Variants in GAB4 observed in about 807,000 individuals in gnomAD.
GAB4 encodes GRB2 associated binding protein family member 4, also known as GRB2-associated-binding protein 4.
In GAB4, 26 loss-of-function variants were observed where a neutral mutation model predicts 51.3. The ratio of observed to expected loss-of-function variants is 0.51; its 90% CI spans 0.37 to 0.70. The LOEUF is 0.70. Ranked by LOEUF, GAB4 falls within the 30% of genes least tolerant of loss-of-function variation. The pLI, the probability that GAB4 is intolerant of heterozygous loss-of-function variation, is 0.00. For missense variants in GAB4, 759 were observed against 734.6 expected, an observed-to-expected ratio of 1.03 and a Z score of -0.38; for synonymous variants, 329 against 291.2, an observed-to-expected ratio of 1.13 and a Z score of -1.32.
chr22:17,004,783 C>T (rs1371199834), intron 1 of GAB4, among the ~76,000 whole-genome samples: 1 of 152,080 alleles, frequency 6.6e-6, no homozygotes. Context: ...GCAGAACAGG[C>T]CTTCGATAAA....
Position 16,968,383 on chromosome 22 carries a change from G to A in GAB4, c.938C>T (p.Ala313Val), listed in dbSNP as rs200334935. Residue 313 changes from alanine to valine, a missense_variant and splice_region_variant, in exon 5 of 10, where the codon GCT (alanine) becomes GTT (valine). Transcript: ENST00000400588. ...SLTGSEADNE[A>V]SSGKYTQHGG... ...ATGCTGGGTGTACTTGCCGGAGGAA[G>A]CTACGACAGAGGAAGGAGATCCACA... 6.0e-4 allele frequency: 967 copies of A among 1,612,716 alleles called. No individual in the cohort carries two copies. Among genetic ancestry groups the A allele is most frequent in the Non-Finnish European group, 7.8e-4 (924 of 1,178,830 alleles).
intron 3 of GAB4, among the ~76,000 whole-genome samples, chr22:16,985,852 G>T (rs922134611): frequency 6.6e-6 from 1 of 152,192 alleles, no homozygotes; most frequent in African/African-American, 2.4e-5. Flanking sequence ...CATACTATAT[G>T]CCCTGCCTTG....
Position 16,989,475 on chromosome 22 carries a change from C to T in GAB4, c.479-1308G>A, listed in dbSNP as rs1185372409. 2.6e-5 allele frequency among the ~76,000 whole-genome samples: 4 copies of T among 152,344 alleles called. No individual in the cohort carries two copies. In the East Asian group the frequency reaches 7.7e-4, roughly 29 times the overall value. ...TGATGCTAGGCAAGACACGTTCTGC[C>T]AGTGAGCAACAGAAACATATGGCAG... On this transcript the variant is annotated intron_variant, in intron 2 of 9. Transcript: ENST00000400588.
At chr22:16,996,969 T>C (rs188937430) in intron 1 of GAB4, among the ~76,000 whole-genome samples, 5,931 of 152,198 alleles carry the variant, frequency 0.039, 190 homozygotes, top group Middle Eastern at 0.068. Context: ...GCTTCATCCA[T>C]GGCCCTACAA....
chr22:16,971,346 A>T (rs2060730314), intron 3 of GAB4, among the ~76,000 whole-genome samples: 1 of 152,156 alleles, frequency 6.6e-6, no homozygotes, highest in South Asian at 2.1e-4. Flanking sequence ...CCCAGACACG[A>T]CCCAGCGTCA....
Position 16,962,609 on chromosome 22 carries a change from G to A in GAB4, c.*124C>T, listed in dbSNP as rs2060638071. On this transcript the variant is annotated 3_prime_UTR_variant, in exon 10 of 10. Coordinates refer to ENST00000400588, the MANE Select transcript of GAB4 (RefSeq NM_001037814.1). Reference sequence around the variant, plus strand: ...GGTGGGCCCCAAGCAGGCAAAGGATGTATATTGATCAGGCCTCTGCTCTCT... The same window carrying A: ...GGTGGGCCCCAAGCAGGCAAAGGATATATATTGATCAGGCCTCTGCTCTCT... 2.4e-6 allele frequency: 2 copies of A among 837,390 alleles called. No individual in the cohort carries two copies. Among genetic ancestry groups the A allele is most frequent in the Non-Finnish European group, 1.7e-6 (1 of 582,722 alleles). The allele number at this position is 837,390 out of a possible 1,614,324, so 51.9% of individuals were successfully genotyped here.
In GAB4 at chr22:16,988,017, G is replaced by A. The variant is rs560437811; in HGVS notation, c.629C>T (p.Ala210Val). ...GTGCGAGCGGAGACACCCCGGAGGT[G>A]CAGGGATGGGCCAGGTGGGCGGCAC... ...HCVPPTWPIPAPPGCLRSHQH... is the reference protein window; with the variant it reads ...HCVPPTWPIPVPPGCLRSHQH... The change falls in exon 3 of 10, where the codon GCA (alanine) becomes GTA (valine). Residue 210 changes from alanine (A) to valine (V), a missense_variant. Physicochemically the swap from Ala to Val is moderately conservative, Grantham distance 64. Around this residue, in one of 3 missense-constraint regions of GAB4, gnomAD observed 588 missense variants for 510.2 expected, o/e 1.15. Coordinates refer to ENST00000400588, the MANE Select transcript of GAB4 (RefSeq NM_001037814.1). 43 of 1,609,546 alleles carry A rather than the reference G, an allele frequency of 2.7e-5. No individual in the cohort carries two copies. The South Asian group carries it at 4.2e-4, about 16-fold the overall frequency.
chr22:16,999,487 T>A (rs1415010924), intron 1 of GAB4, among the ~76,000 whole-genome samples: 3 of 152,230 alleles, frequency 2.0e-5, no homozygotes, highest in African/African-American at 7.2e-5. Context: ...GGTGGTGATA[T>A]CCCCTTTATC....
At chr22:16,991,328 A>G (rs78024195) in intron 2 of GAB4, among the ~76,000 whole-genome samples, 1 of 151,660 alleles carries the variant, frequency 6.6e-6, no homozygotes, top group African/African-American at 2.4e-5. Flanking sequence ...AAAAAAAAAA[A>G]GCCTGCTGCT....
intron 2 of GAB4, among the ~76,000 whole-genome samples, chr22:16,989,468 G>A (rs1031242426): frequency 7.2e-5 from 11 of 152,196 alleles, no homozygotes; most frequent in African/African-American, 2.2e-4. Context: ...GGCAAGACAC[G>A]TTCTGCCAGT....
chr22:16,995,067 G>A (rs552660590), intron 1 of GAB4, among the ~76,000 whole-genome samples: 5 of 152,252 alleles, frequency 3.3e-5, no homozygotes, highest in South Asian at 2.1e-4. Context: ...AGCCAACTTT[G>A]CATTCATCCT....
intron 2 of GAB4, 149 bp from the exon 3 acceptor site, chr22:16,988,316 CTCCTGGCTA>C: frequency 1.5e-6 from 1 of 666,648 alleles, no homozygotes; most frequent in Non-Finnish European, 2.7e-6. Context: ...GGGCTGGGGC[CTCCTGGCTA>C]TCCTGGCTGA....
chr22:16,969,002 G>A (rs1270623412), intron 4 of GAB4, among the ~76,000 whole-genome samples: 1 of 152,176 alleles, frequency 6.6e-6, no homozygotes, highest in East Asian at 1.9e-4. Flanking sequence ...ATAACAGGAA[G>A]AATAAACAAA....
At chr22:17,000,999 G>A (rs1246265758) in intron 1 of GAB4, among the ~76,000 whole-genome samples, 2 of 152,168 alleles carry the variant, frequency 1.3e-5, no homozygotes, top group Non-Finnish European at 1.5e-5. Flanking sequence ...AGTTTCAGCC[G>A]AGAGATCAGC....
At chr22:16,971,057 G>T (rs1267231216) in intron 3 of GAB4, among the ~76,000 whole-genome samples, 1 of 152,090 alleles carries the variant, frequency 6.6e-6, no homozygotes, top group East Asian at 1.9e-4. Context: ...AATTAGCCGG[G>T]CATGGTGATG....
rs148693343 is a variant in GAB4 at position 16,976,459 on chromosome 22, G to A, written c.687-6266C>T. Among the ~76,000 whole-genome samples the A allele has an allele frequency of 3.7e-3, 566 of 152,218 alleles. 3 individuals are homozygous for A. Among genetic ancestry groups the A allele is most frequent in the African/African-American group, 0.013 (532 of 41,554 alleles). Reference sequence around the variant, plus strand: ...ACTTAATGAAATAAAGCATGAAGACGAGATTAGAGAAAAAAGAATTAAAAG... The same window carrying A: ...ACTTAATGAAATAAAGCATGAAGACAAGATTAGAGAAAAAAGAATTAAAAG... On this transcript the variant is annotated intron_variant, in intron 3 of 9. Transcript: ENST00000400588.
chr22:16,966,123 C>T lies in GAB4; in HGVS notation c.1265G>A (p.Arg422His), dbSNP rs747850709. 5 of 1,613,824 alleles carry T rather than the reference C, an allele frequency of 3.1e-6. No individual in the cohort carries two copies. Among genetic ancestry groups the T allele is most frequent in the African/African-American group, 1.3e-5 (1 of 74,908 alleles). ...ACCCTTCTGGTTAGGCTTGAGGCTGCGGTTGACAGGGGGCAGCTGGACCTC... is the reference window on the plus strand; with the variant it reads ...ACCCTTCTGGTTAGGCTTGAGGCTGTGGTTGACAGGGGGCAGCTGGACCTC... ...GHEVQLPPVN[R>H]SLKPNQKANP... is the part of the protein sequence containing the mutation. The change falls in exon 6 of 10, where the codon CGC becomes CAC. Residue 422 changes from arginine to histidine, a missense_variant. Physicochemically the swap from Arg to His is conservative, Grantham distance 29. Coordinates refer to ENST00000400588, the MANE Select transcript of GAB4 (RefSeq NM_001037814.1).
chr22:16,980,187 G>C lies in GAB4; in HGVS notation c.686+7773C>G, dbSNP rs1270167811. On this transcript the variant is annotated intron_variant, in intron 3 of 9. Transcript: ENST00000400588. ...GATCTAATTAAGCTAAACAGCTTCT[G>C]CACAGCAAAAGAAACTATCATCAGA... Among the ~76,000 whole-genome samples, 9 of 152,156 alleles carry C rather than the reference G, an allele frequency of 5.9e-5. No individual in the cohort carries two copies. In the East Asian group the frequency reaches 1.7e-3, roughly 29 times the overall value.
At chr22:17,007,828 G>A in intron 1 of GAB4, 113 bp downstream of exon 1, 4 of 989,972 alleles carry the variant, frequency 4.0e-6, no homozygotes, top group Non-Finnish European at 5.9e-6. Flanking sequence ...ACGTGGAGAA[G>A]TCGCCTCCAC....
Sources: gnomAD v4.1 joint callset for allele counts (sites outside exome capture counted in the v4.1 genomes callset) on GRCh38, gnomAD v4.1.1 for gene constraint, gnomAD v4.1.1 regional missense constraint, MANE v1.5 for transcripts, NCBI Gene and HGNC (gene_info 2026-07-23, HGNC 2026-07-21) for gene names.